The following SGCD variants were observed in gnomAD, a reference collection of about 807,000 sequenced individuals.
SGCD encodes the protein sarcoglycan delta, also known as delta-sarcoglycan.
A neutral mutation model predicts 36.6 loss-of-function variants in SGCD; 18 were observed. That is an observed-to-expected ratio of 0.49 (90% CI 0.34 to 0.73). The LOEUF (loss-of-function observed/expected upper bound fraction) is 0.73. SGCD is among the 30% of genes least tolerant of loss of function. The probability of loss-of-function intolerance (pLI) is 0.01; values close to 1 mark genes in which losing one functional copy is unlikely to be tolerated. For synonymous variants in SGCD, 133 were observed against 130.6 expected, an observed-to-expected ratio of 1.02 and a Z score of -0.12; for missense variants, 387 against 346.7, an observed-to-expected ratio of 1.12 and a Z score of -0.92.
chr5:156,161,928 T>A (rs1763096002), intron 3 of SGCD, among the ~76,000 whole-genome samples: 1 of 151,676 alleles, frequency 6.6e-6, no homozygotes, highest in Non-Finnish European at 1.5e-5. Context: ...AGTCTAGTTT[T>A]GACTGTTAAA....
At chr5:155,795,723 T>C in the SGCD span, among the ~76,000 whole-genome samples, 5 of 152,126 alleles carry the variant, frequency 3.3e-5, no homozygotes, top group Admixed American at 3.3e-4. Context: ...CTCACTATTA[T>C]AGATAATTGC....
intron 3 of SGCD, among the ~76,000 whole-genome samples, chr5:156,383,751 C>T (rs1174786843): frequency 6.6e-6 from 1 of 152,150 alleles, no homozygotes; most frequent in Non-Finnish European, 1.5e-5. Flanking sequence ...TAGAAACTTA[C>T]ATGTCATCAC....
At chr5:156,317,355 G>T (rs1371358239) in intron 3 of SGCD, among the ~76,000 whole-genome samples, 1 of 152,110 alleles carries the variant, frequency 6.6e-6, no homozygotes, top group African/African-American at 2.4e-5. Context: ...TTACAGAGGA[G>T]AACTCAGGGA....
At chr5:156,669,054 G>T (rs145076819) in intron 7 of SGCD, among the ~76,000 whole-genome samples, 39 of 152,244 alleles carry the variant, frequency 2.6e-4, no homozygotes, top group Middle Eastern at 6.8e-3. Flanking sequence ...CCCACATGGG[G>T]TCCTGTCAAG....
intron 3 of SGCD, among the ~76,000 whole-genome samples, chr5:156,465,370 T>G (rs1754677193): frequency 6.6e-6 from 1 of 152,280 alleles, no homozygotes; most frequent in Non-Finnish European, 1.5e-5. Flanking sequence ...AACTTTTGTA[T>G]CCTAGTGAAA....
chr5:156,009,778 G>A lies in SGCD; in HGVS notation c.-281-108100G>A, dbSNP rs912627935. 7.9e-5 allele frequency among the ~76,000 whole-genome samples: 12 copies of A among 152,108 alleles called. No homozygotes were observed. The South Asian group carries it at 2.3e-3, about 29-fold the overall frequency. On this transcript the variant is annotated intron_variant, in intron 1 of 9. Transcript: ENST00000517913. ...TGAATTAGTCTAATCTGTCCTCTGA[G>A]TTATGGCTCACTCTGACGCCACTGA...
the SGCD span, among the ~76,000 whole-genome samples, chr5:155,730,536 C>T: frequency 6.7e-6 from 1 of 150,130 alleles, no homozygotes; most frequent in Non-Finnish European, 1.5e-5. Context: ...GTAGGCACTC[C>T]GTTTTTACTT....
chr5:156,391,642 T>C (rs1029858364), intron 3 of SGCD, among the ~76,000 whole-genome samples: 11 of 152,330 alleles, frequency 7.2e-5, no homozygotes, highest in Admixed American at 7.2e-4. Flanking sequence ...AGAAAATGTG[T>C]GTATATTATA....
At chr5:156,072,654 T>G (rs1186710438) in intron 1 of SGCD, among the ~76,000 whole-genome samples, 3 of 152,196 alleles carry the variant, frequency 2.0e-5, no homozygotes, top group Non-Finnish European at 4.4e-5. Flanking sequence ...GTTCTCTGTA[T>G]TTCCTGAATC....
At chr5:156,342,405 C>G (rs1768708417) in intron 2 of SGCD, among the ~76,000 whole-genome samples, 2 of 152,226 alleles carry the variant, frequency 1.3e-5, no homozygotes, top group African/African-American at 4.8e-5. Context: ...GTTAACTTCT[C>G]TAATCCTAAT....
At chr5:156,723,528 A>T (rs1391760073) in intron 7 of SGCD, among the ~76,000 whole-genome samples, 1 of 152,264 alleles carries the variant, frequency 6.6e-6, no homozygotes, top group Non-Finnish European at 1.5e-5. Flanking sequence ...TACCGTAAAT[A>T]TATGCAAAAT....
the SGCD span, among the ~76,000 whole-genome samples, chr5:155,844,346 T>C: frequency 2.0e-5 from 3 of 152,040 alleles, no homozygotes. Context: ...TTAATAAAGT[T>C]CTCCTTACAC....
rs374790317 is a variant in SGCD, at chr5:156,329,590, C to T, written c.3+11C>T. 1.3e-4 allele frequency: 213 copies of T among 1,612,108 alleles called. No homozygotes were observed. Among genetic ancestry groups the T allele is most frequent in the Middle Eastern group, 3.3e-4 (2 of 6,084 alleles). ...GACCAGGTGGAGATGGTGAGTAATT[C>T]CCGGGAGCGAAGCTTGTTCAAGGCC... On this transcript the variant is annotated intron_variant, in intron 2 of 8. Coordinates refer to ENST00000337851, the MANE Select transcript of SGCD (RefSeq NM_000337.6).
the SGCD span, among the ~76,000 whole-genome samples, chr5:155,730,743 A>G: frequency 6.6e-6 from 1 of 152,292 alleles, no homozygotes; most frequent in African/African-American, 2.4e-5. Flanking sequence ...CGCTTGCCCC[A>G]GTGGCTTTCC....
chr5:156,563,613 A>T (rs1407536326), intron 4 of SGCD, among the ~76,000 whole-genome samples: 2 of 152,204 alleles, frequency 1.3e-5, no homozygotes, highest in African/African-American at 4.8e-5. Context: ...GAGATTTGCC[A>T]TACTTAGTCT....
chr5:156,338,667 G>T (rs1354948961), intron 2 of SGCD, among the ~76,000 whole-genome samples: 1 of 152,076 alleles, frequency 6.6e-6, no homozygotes, highest in Non-Finnish European at 1.5e-5. Context: ...CATGTAGGTT[G>T]GGCCTGGTTC....
At chr5:155,877,289 G>A (rs244991) in intron 1 of SGCD, among the ~76,000 whole-genome samples, 86,802 of 151,970 alleles carry the variant, frequency 0.57, 27,444 homozygotes, top group African/African-American at 0.85. Flanking sequence ...TCCCAGGCAT[G>A]GTCGTCTGAT....
chr5:156,346,162 C>T (rs991927795), intron 3 of SGCD, among the ~76,000 whole-genome samples: 1 of 152,076 alleles, frequency 6.6e-6, no homozygotes, highest in Non-Finnish European at 1.5e-5. Context: ...GATACTGCTT[C>T]AGGCCTCAGA....
At chr5:156,152,047 G>A (rs1270682907) in intron 3 of SGCD, among the ~76,000 whole-genome samples, 1 of 151,170 alleles carries the variant, frequency 6.6e-6, no homozygotes, top group Non-Finnish European at 1.5e-5. Context: ...GCAAGTACAT[G>A]GGAGATACTT....
Sources: allele counts gnomAD v4.1 joint callset (sites outside exome capture counted in the v4.1 genomes callset), GRCh38; gene constraint gnomAD v4.1.1; transcripts MANE v1.5; gene names NCBI Gene and HGNC (gene_info 2026-07-23, HGNC 2026-07-21).